Variants in MTHFD1 observed in about 807,000 individuals in gnomAD.
MTHFD1 encodes methylenetetrahydrofolate dehydrogenase, cyclohydrolase and formyltetrahydrofolate synthetase 1.
Under a neutral mutation model 110.3 loss-of-function variants are expected in MTHFD1, and 44 were observed. The observed-to-expected ratio is 0.40, with a 90% CI of 0.31 to 0.51. The LOEUF is 0.51. MTHFD1 is among the 20% of genes least tolerant of loss of function. The pLI, the probability that MTHFD1 is intolerant of heterozygous loss-of-function variation, is 0.60. For synonymous variants in MTHFD1, 402 were observed against 428.8 expected (o/e 0.94, Z 0.77); for missense variants, 909 against 1,173.1 (o/e 0.77, Z 3.29).
intron 8 of MTHFD1, chr14:64,424,265 T>A (rs2078102268): frequency 5.7e-6 from 1 of 175,014 alleles, no homozygotes; most frequent in Non-Finnish European, 1.2e-5. Context: ...GTAGTTGTTC[T>A]TGTGTCCTTT....
intron 1 of MTHFD1, among the ~76,000 whole-genome samples, chr14:64,397,316 G>A (rs2077865747): frequency 6.8e-6 from 1 of 147,004 alleles, no homozygotes; most frequent in Non-Finnish European, 1.5e-5. Context: ...GTTTTGAGAC[G>A]GAGTCTCAGT....
At chr14:64,457,979 C>T (rs1360358543) in intron 26 of MTHFD1, 6 of 590,058 alleles carry the variant, frequency 1.0e-5, no homozygotes, top group Non-Finnish European at 1.5e-5. Context: ...TGGCCTCAAC[C>T]TCCTAGCCTC....
chr14:64,413,724 G>A (rs1041507698), intron 4 of MTHFD1, among the ~76,000 whole-genome samples: 6 of 152,162 alleles, frequency 3.9e-5, no homozygotes, highest in Middle Eastern at 3.2e-3. Context: ...TTCTGCCATC[G>A]CAGAAAAGAT....
At chr14:64,427,620 T>C in intron 12 of MTHFD1, 147 bp downstream of exon 12, 1 of 859,358 alleles carries the variant, frequency 1.2e-6, no homozygotes, top group South Asian at 1.4e-5. Context: ...GTAGTCATGC[T>C]TTTGATGAAG....
At chr14:64,398,158 C>T (rs2077871724) in intron 1 of MTHFD1, among the ~76,000 whole-genome samples, 1 of 31,282 alleles carries the variant, frequency 3.2e-5, no homozygotes, top group South Asian at 1.8e-3. Flanking sequence ...AGGTCCAATC[C>T]CAGTTAAAAA....
At chr14:64,422,501 G>A (rs1166265966) in intron 8 of MTHFD1, among the ~76,000 whole-genome samples, 1 of 152,170 alleles carries the variant, frequency 6.6e-6, no homozygotes. Flanking sequence ...ATTGGCCAGA[G>A]AAACACATAA....
At chr14:64,426,645 A>G (rs1010579578) in intron 11 of MTHFD1, among the ~76,000 whole-genome samples, 3 of 151,898 alleles carry the variant, frequency 2.0e-5, no homozygotes, top group African/African-American at 7.3e-5. Context: ...TAATTTTTGT[A>G]TTTTTAGTAG....
intron 15 of MTHFD1, among the ~76,000 whole-genome samples, chr14:64,433,604 C>T (rs963171369): frequency 2.0e-5 from 3 of 151,518 alleles, no homozygotes; most frequent in Non-Finnish European, 2.9e-5. Flanking sequence ...GTGTAGAGAC[C>T]GGGTTTTGCC....
chr14:64,403,315 C>A (rs2077913437), intron 2 of MTHFD1, among the ~76,000 whole-genome samples: 1 of 151,792 alleles, frequency 6.6e-6, no homozygotes, highest in African/African-American at 2.4e-5. Flanking sequence ...CGCTCTATCC[C>A]CCAGGCTGGA....
rs777501406 is a variant in MTHFD1 at position 64,427,359 on chromosome 14, G to A, written c.1150G>A (p.Glu384Lys). 1.9e-6 allele frequency: 3 copies of A among 1,614,224 alleles called. No individual in the cohort carries two copies. The highest frequency in any genetic ancestry group is 2.5e-6 in the Non-Finnish European group (3 of 1,180,034). Residue 384 changes from glutamate (E) to lysine (K), a missense_variant, in exon 12 of 28, where the codon GAA (glutamate) becomes AAA (lysine). Glu to Lys is a moderately conservative substitution (Grantham distance 56, BLOSUM62 1). Coordinates refer to ENST00000652337, the MANE Select transcript of MTHFD1 (RefSeq NM_005956.4). ...AAGAATAACTCCAACACCCCTGGGA[G>A]AAGGGAAAAGCACAACTACAATCGG... ...VTGITPTPLG[E>K]GKSTTTIGLV...
intron 15 of MTHFD1, among the ~76,000 whole-genome samples, chr14:64,434,154 T>C (rs2078185184): frequency 6.6e-6 from 1 of 152,246 alleles, no homozygotes; most frequent in African/African-American, 2.4e-5. Context: ...AATACCTTTG[T>C]ACATGTGTGA....
In MTHFD1 at chr14:64,417,735, G is replaced by C. The variant is rs1596540205; in HGVS notation, c.479-153G>C. Among the ~76,000 whole-genome samples the C allele has an allele frequency of 6.6e-6, 1 of 152,176 alleles. No homozygotes were observed. The highest frequency in any genetic ancestry group is 1.5e-5 in the Non-Finnish European group (1 of 68,034). On this transcript the variant is annotated intron_variant, in intron 6 of 27. Coordinates refer to ENST00000652337, the MANE Select transcript of MTHFD1 (RefSeq NM_005956.4). This position sits in a 1 kb window ranked among gnomAD's most constrained non-coding sequence, Gnocchi z 4.4. ...TTTATAGCTGAAACCCTAGAGTTGA[G>C]AATATTATTGCCAAAGAAGGAATGC...
chr14:64,394,523 CTACT>C (rs1464715529), intron 1 of MTHFD1, among the ~76,000 whole-genome samples: 1 of 151,942 alleles, frequency 6.6e-6, no homozygotes, highest in Non-Finnish European at 1.5e-5. Context: ...CAGGTCAGAC[CTACT>C]TACTTTGCTG....
In MTHFD1 at chr14:64,411,479, C is replaced by T. The variant is rs901190815; in HGVS notation, c.186+330C>T. 6.6e-5 allele frequency among the ~76,000 whole-genome samples: 10 copies of T among 152,180 alleles called. No homozygotes were observed. In the East Asian group the frequency reaches 1.2e-3, roughly 18 times the overall value. On this transcript the variant is annotated intron_variant, in intron 3 of 27. Coordinates refer to ENST00000652337, the MANE Select transcript of MTHFD1 (RefSeq NM_005956.4). ...CTATACCTTTCTCCGAAGATGATTT[C>T]GAGTTCTCCAAATTTAAAGAGGAAA... is the stretch of plus-strand genomic sequence containing the variant.
At chr14:64,419,286 C>G (rs1343272797) in intron 7 of MTHFD1, 2 of 197,678 alleles carry the variant, frequency 1.0e-5, no homozygotes, top group East Asian at 2.4e-4. Context: ...TGAAGGTGCT[C>G]CAGAGGCAGT....
chr14:64,390,389 A>G (rs557820611), intron 1 of MTHFD1: 4 of 149,694 alleles, frequency 2.7e-5, no homozygotes, highest in South Asian at 2.1e-4. Flanking sequence ...GCTGTGTCCA[A>G]TCTTGGCTCA....
chr14:64,388,794 A>G (rs2077783465), intron 1 of MTHFD1: 2 of 525,112 alleles, frequency 3.8e-6, no homozygotes, highest in Admixed American at 6.3e-5. Context: ...CAGAACTCAG[A>G]AATCCAATCT....
chr14:64,449,701 G>A, intron 24 of MTHFD1, 79 bp downstream of exon 24: 1 of 1,504,450 alleles, frequency 6.6e-7, no homozygotes, highest in Non-Finnish European at 9.1e-7. Flanking sequence ...ACTTCTATTA[G>A]AGCCCCATGC....
chr14:64,422,666 A>G (rs2078083833), intron 8 of MTHFD1, among the ~76,000 whole-genome samples: 1 of 152,132 alleles, frequency 6.6e-6, no homozygotes, highest in Non-Finnish European at 1.5e-5. Context: ...ACTGGCCTCT[A>G]TTATTAGGGT....
Sources: allele counts gnomAD v4.1 joint callset (sites outside exome capture counted in the v4.1 genomes callset), GRCh38; gene constraint gnomAD v4.1.1; non-coding constraint Gnocchi (gnomAD v3.1); transcripts MANE v1.5; gene names NCBI Gene and HGNC (gene_info 2026-07-23, HGNC 2026-07-21).